Variants in ZNF670 observed in about 807,000 individuals in gnomAD.
The protein encoded by ZNF670 is zinc finger protein 670.
In ZNF670, 7 loss-of-function variants were observed where a neutral mutation model predicts 10.9. The ratio of observed to expected loss-of-function variants is 0.64; its 90% CI spans 0.36 to 1.20. The LOEUF (loss-of-function observed/expected upper bound fraction) is 1.20, where lower values mean the gene tolerates loss of function less well. Among genes scored for constraint, ZNF670 ranks in the 50% most tolerant of loss-of-function variants. The pLI is 0.02. For synonymous variants in ZNF670, 136 were observed against 152.7 expected (o/e 0.89, Z 0.81); for missense variants, 446 against 458.6 (o/e 0.97, Z 0.25).
At chr1:247,041,424 C>CT (rs1037121899) in intron 1 of ZNF670, among the ~76,000 whole-genome samples, 4 of 152,002 alleles carry the variant, frequency 2.6e-5, no homozygotes, top group Admixed American at 2.0e-4. Flanking sequence ...GAAAGACCAC[C>CT]TATTTTTTTA....
In ZNF670 at chr1:247,041,505, G is replaced by GA. The variant is rs534550255; in HGVS notation, c.4-1969dup. Among the ~76,000 whole-genome samples the GA allele has an allele frequency of 1.4e-3, 212 of 152,180 alleles. 2 individuals carry two copies. Among genetic ancestry groups the GA allele is most frequent in the African/African-American group, 4.8e-3 (199 of 41,534 alleles). On this transcript the variant is annotated intron_variant, in intron 1 of 3. Transcript: ENST00000366503. Reference sequence around the variant, plus strand: ...ATATGACATTTGAAATTGACTAGAAGAAAAAAATCAACTCCATGTGATGAC... The same window carrying GA: ...ATATGACATTTGAAATTGACTAGAAGAAAAAAAATCAACTCCATGTGATGAC...
Position 247,076,692 on chromosome 1 carries a change from CCT to C in ZNF670, c.3+1900_3+1901del, listed in dbSNP as rs1309025555. 2.8e-5 allele frequency among the ~76,000 whole-genome samples: 4 copies of C among 143,948 alleles called. 1 individual carries two copies. Among genetic ancestry groups the C allele is most frequent in the Admixed American group, 2.8e-4 (4 of 14,484 alleles). 94.4% of individuals were successfully genotyped at this position (143,948 alleles called of 152,430 possible). A position where few individuals can be genotyped will look rare whatever the true frequency, so the allele number is the denominator to read the frequency against. ...TTTTTTCTTTTTCAAACTGAGTCTC[CCT>C]CTGTCACCCAGGCTGGAGTGCAGTG... On this transcript the variant is annotated intron_variant, in intron 1 of 3. Transcript: ENST00000366503.
intron 1 of ZNF670, among the ~76,000 whole-genome samples, chr1:247,050,634 C>T (rs936158676): frequency 6.6e-6 from 1 of 152,008 alleles, no homozygotes; most frequent in South Asian, 2.1e-4. Context: ...CACCACCACG[C>T]CCAACTAATT....
intron 1 of ZNF670, among the ~76,000 whole-genome samples, chr1:247,070,002 T>G (rs1385288249): frequency 6.6e-6 from 1 of 152,198 alleles, no homozygotes; most frequent in Non-Finnish European, 1.5e-5. Context: ...ATAATTGGAT[T>G]ATTTGTAATA....
intron 1 of ZNF670, among the ~76,000 whole-genome samples, chr1:247,041,581 C>T (rs939157916): frequency 2.6e-5 from 4 of 152,208 alleles, no homozygotes; most frequent in Admixed American, 6.5e-5. Flanking sequence ...AACTGATACC[C>T]TCCATTGCTC....
At chr1:247,067,803 CT>C (rs1224473119) in intron 1 of ZNF670, among the ~76,000 whole-genome samples, 2 of 122,504 alleles carry the variant, frequency 1.6e-5, no homozygotes, top group Non-Finnish European at 3.2e-5. Flanking sequence ...GATCCCGCCA[CT>C]GCACTCCAGC....
chr1:247,044,565 T>C (rs1007103858), intron 1 of ZNF670, among the ~76,000 whole-genome samples: 1 of 152,184 alleles, frequency 6.6e-6, no homozygotes, highest in African/African-American at 2.4e-5. Flanking sequence ...CAAATGCCCA[T>C]CAATAGTGGA....
At chr1:247,039,807 A>C (rs1249097471) in intron 1 of ZNF670, among the ~76,000 whole-genome samples, 2 of 152,208 alleles carry the variant, frequency 1.3e-5, no homozygotes, top group Non-Finnish European at 2.9e-5. Context: ...GTAAGAAATG[A>C]GGTCACCCCT....
chr1:247,069,644 TGGA>T (rs1192691818), intron 1 of ZNF670, among the ~76,000 whole-genome samples: 21 of 151,852 alleles, frequency 1.4e-4, no homozygotes, highest in Non-Finnish European at 2.2e-4. Context: ...ATACACACAG[TGGA>T]GAACTATTCA....
At position 247,037,612 on chromosome 1, in the gene ZNF670, G is replaced by C; in HGVS notation, c.1007C>G (p.Pro336Arg). The C allele has an allele frequency of 6.2e-7, 1 of 1,614,088 alleles. No homozygotes were observed. The highest frequency in any genetic ancestry group is 8.5e-7 in the Non-Finnish European group (1 of 1,180,012). Residue 336 changes from proline to arginine, a missense_variant, in exon 4 of 4, where the codon CCT becomes CGT. By Grantham distance (103) the Pro-to-Arg change is moderately radical. Transcript: ENST00000366503. ...EHERTHTGVKPYGCKECGKSF... is the reference protein window; with the variant it reads ...EHERTHTGVKRYGCKECGKSF... ...CTTACCACATTCCTTACATCCATAA[G>C]GTTTCACTCCAGTGTGAGTTCTTTC...
intron 1 of ZNF670, among the ~76,000 whole-genome samples, chr1:247,057,668 A>T (rs892922572): frequency 1.3e-5 from 2 of 152,332 alleles, no homozygotes; most frequent in South Asian, 4.1e-4. Context: ...AAAGAATGAG[A>T]TCCATTCATT....
intron 1 of ZNF670, among the ~76,000 whole-genome samples, chr1:247,050,071 T>C (rs1243542088): frequency 6.6e-6 from 1 of 152,202 alleles, no homozygotes; most frequent in African/African-American, 2.4e-5. Flanking sequence ...AGACCATTGA[T>C]TTTTTTGTTG....
intron 1 of ZNF670, among the ~76,000 whole-genome samples, chr1:247,073,663 C>G (rs1413204434): frequency 2.0e-5 from 3 of 152,142 alleles, no homozygotes; most frequent in Admixed American, 2.0e-4. Context: ...TGCTGAACAC[C>G]AACCAATTCT....
At chr1:247,063,907 G>A (rs144733702) in intron 1 of ZNF670, among the ~76,000 whole-genome samples, 1 of 152,352 alleles carries the variant, frequency 6.6e-6, no homozygotes, top group East Asian at 1.9e-4. Context: ...TGCTGGAGCA[G>A]TGACAGGATG....
At chr1:247,056,269 T>C (rs1027266152) in intron 1 of ZNF670, among the ~76,000 whole-genome samples, 1 of 152,146 alleles carries the variant, frequency 6.6e-6, no homozygotes, top group East Asian at 1.9e-4. Flanking sequence ...GGATAGACCA[T>C]ATGGTAGGTC....
chr1:247,059,121 A>C (rs1670791831), intron 1 of ZNF670, among the ~76,000 whole-genome samples: 1 of 149,208 alleles, frequency 6.7e-6, no homozygotes, highest in South Asian at 2.1e-4. Flanking sequence ...AGATGCAAAA[A>C]TTTTCAATCT....
rs201470501 is a variant in ZNF670, at chr1:247,039,395, G to A, written c.130+16C>T. 2.5e-6 allele frequency: 4 copies of A among 1,602,950 alleles called. No homozygotes were observed. The East Asian group carries it at 6.8e-5, about 27-fold the overall frequency. ...GCGTTGTAATCAACTACGTGAATAA[G>A]TGTTGTTATTCTTACCTACAGAAGC... On this transcript the variant is annotated intron_variant, in intron 2 of 3. Transcript: ENST00000366503.
At chr1:247,051,576 A>C (rs4925540) in intron 1 of ZNF670, among the ~76,000 whole-genome samples, 49,523 of 151,906 alleles carry the variant, frequency 0.33, 8,889 homozygotes, top group African/African-American at 0.46. Flanking sequence ...AGATAACCTG[A>C]TGAGTATGCA....
In ZNF670 at chr1:247,038,159, T is replaced by A. The variant is rs1397670093; in HGVS notation, c.460A>T (p.Thr154Ser). 6.2e-7 allele frequency: 1 copy of A among 1,614,056 alleles called. No individual in the cohort carries two copies. Among genetic ancestry groups the A allele is most frequent in the Non-Finnish European group, 8.5e-7 (1 of 1,180,024 alleles). Residue 154 changes from threonine to serine, a missense_variant, in exon 4 of 4, where the codon ACC becomes TCC. Physicochemically the swap from Thr to Ser is moderately conservative, Grantham distance 58. Transcript: ENST00000366503. Reference protein sequence around the residue: ...KQCGKAFISLTSVDRHMVTHT... With the variant: ...KQCGKAFISLSSVDRHMVTHT... ...GTTACCATGTGTCTGTCAACACTGG[T>A]GAGAGAGATAAAGGCTTTCCCACAT...
Sources: allele counts gnomAD v4.1 joint callset (sites outside exome capture counted in the v4.1 genomes callset), GRCh38; gene constraint gnomAD v4.1.1; transcripts MANE v1.5; gene names NCBI Gene and HGNC (gene_info 2026-07-23, HGNC 2026-07-21).